Variants in NAV2 observed in about 807,000 individuals in gnomAD.
The protein encoded by NAV2 is helicase, APC down-regulated 1.
Under a neutral mutation model 223.2 loss-of-function variants are expected in NAV2, and 54 were observed. That is an observed-to-expected ratio of 0.24 (90% CI 0.19 to 0.30). NAV2 has a LOEUF of 0.30. NAV2 is among the 10% of genes least tolerant of loss of function. The pLI is 1.00. For missense variants in NAV2, 2,806 were observed against 3,147.5 expected, an observed-to-expected ratio of 0.89 and a Z score of 2.60; for synonymous variants, 1,279 against 1,239.3, an observed-to-expected ratio of 1.03 and a Z score of -0.67.
chr11:19,496,279 A>T (rs2042790994), intron 1 of NAV2, among the ~76,000 whole-genome samples: 1 of 152,216 alleles, frequency 6.6e-6, no homozygotes, highest in Non-Finnish European at 1.5e-5. Context: ...AACAATAAAC[A>T]TTTATTATCT....
intron 1 of NAV2, among the ~76,000 whole-genome samples, chr11:19,548,031 G>T (rs1236269715): frequency 6.6e-6 from 1 of 152,198 alleles, no homozygotes; most frequent in African/African-American, 2.4e-5. Context: ...CCTAGCTGGT[G>T]AGTAACAGGG....
intron 1 of NAV2, among the ~76,000 whole-genome samples, chr11:19,550,756 C>T (rs900425069): frequency 6.6e-6 from 1 of 152,140 alleles, no homozygotes; most frequent in South Asian, 2.1e-4. Flanking sequence ...GGACACTGGA[C>T]CAAATTGAGG....
intron 12 of NAV2, among the ~76,000 whole-genome samples, chr11:20,036,742 A>C (rs936318983): frequency 6.6e-6 from 1 of 152,154 alleles, no homozygotes; most frequent in Non-Finnish European, 1.5e-5. Context: ...TTGAGCCTAC[A>C]TTCTCCATGT....
At chr11:19,856,481 A>G (rs751883532) in intron 3 of NAV2, among the ~76,000 whole-genome samples, 7 of 152,296 alleles carry the variant, frequency 4.6e-5, no homozygotes, top group Admixed American at 1.3e-4. Flanking sequence ...AAATTCCCCA[A>G]GTTATATATT....
At chr11:19,860,173 A>ATCC (rs2061655813) in intron 3 of NAV2, among the ~76,000 whole-genome samples, 1 of 108,426 alleles carries the variant, frequency 9.2e-6, no homozygotes, top group Non-Finnish European at 1.9e-5. Context: ...CGGGGGGCTG[A>ATCC]CCCCCCACCT....
intron 1 of NAV2, among the ~76,000 whole-genome samples, chr11:19,568,006 G>T (rs1368208808): frequency 6.6e-6 from 1 of 152,222 alleles, no homozygotes. Context: ...TGCACTCTCT[G>T]AGGGCAGGTG....
chr11:19,488,151 T>C (rs2042507647), intron 1 of NAV2, among the ~76,000 whole-genome samples: 1 of 152,152 alleles, frequency 6.6e-6, no homozygotes, highest in African/African-American at 2.4e-5. Flanking sequence ...AATTTCTCCA[T>C]GTGTAAAATA....
At chr11:19,600,845 A>T (rs1024728814) in intron 1 of NAV2, among the ~76,000 whole-genome samples, 1 of 152,184 alleles carries the variant, frequency 6.6e-6, no homozygotes, top group Admixed American at 6.5e-5. Context: ...TTCTTAGCTG[A>T]AGGTTTTATA....
upstream of NAV2, among the ~76,000 whole-genome samples, chr11:19,710,074 C>G (rs928833534): frequency 6.6e-6 from 1 of 152,102 alleles, no homozygotes; most frequent in Non-Finnish European, 1.5e-5. Flanking sequence ...CTCAGAACCC[C>G]GAAATGACCT....
rs757183666 is a variant in NAV2 at position 19,787,270 on chromosome 11, C to CTTTTTTTT, written c.268-45193_268-45186dup. ...CATGCCTGGCTAATTTTTATTGGAT[C>CTTTTTTTT]TTTTTTTTTTTTTTTTTTTTTTTTT... On this transcript the variant is annotated intron_variant, in intron 1 of 37. Coordinates refer to ENST00000349880, the MANE Select transcript of NAV2 (RefSeq NM_145117.5). Among the ~76,000 whole-genome samples, 48 of 54,998 alleles carry CTTTTTTTT rather than the reference C, an allele frequency of 8.7e-4. 10 individuals carry two copies. Among genetic ancestry groups the CTTTTTTTT allele is most frequent in the African/African-American group, 2.1e-3 (34 of 16,148 alleles). The allele number at this position is 54,998 out of a possible 152,430, so 36.1% of individuals were successfully genotyped here. A position where few individuals can be genotyped will look rare whatever the true frequency, so the allele number is the denominator to read the frequency against.
At chr11:19,621,164 A>G (rs1273012312) in intron 1 of NAV2, among the ~76,000 whole-genome samples, 1 of 152,208 alleles carries the variant, frequency 6.6e-6, no homozygotes, top group Non-Finnish European at 1.5e-5. Flanking sequence ...TCAGTTTGCC[A>G]GTATTTTACT....
intron 1 of NAV2, among the ~76,000 whole-genome samples, chr11:19,558,929 C>T (rs1006378692): frequency 3.3e-5 from 5 of 152,234 alleles, no homozygotes; most frequent in East Asian, 1.9e-4. Context: ...TACATGGTGG[C>T]GCAGGACTCC....
chr11:19,792,005 C>G (rs866854648), intron 1 of NAV2, among the ~76,000 whole-genome samples: 26 of 152,262 alleles, frequency 1.7e-4, no homozygotes, highest in Admixed American at 1.5e-3. Flanking sequence ...CAATGCTGGG[C>G]CCCCATGAGA....
upstream of NAV2, among the ~76,000 whole-genome samples, chr11:19,709,242 A>C (rs2049778078): frequency 6.6e-6 from 1 of 152,182 alleles, no homozygotes; most frequent in South Asian, 2.1e-4. Context: ...GTTTATAGAA[A>C]ATATCTAAAA....
At chr11:19,815,027 T>C (rs1202858995) in intron 1 of NAV2, among the ~76,000 whole-genome samples, 1 of 152,164 alleles carries the variant, frequency 6.6e-6, no homozygotes, top group East Asian at 1.9e-4. Context: ...TGATCTATTA[T>C]AAAAACGTTT....
At chr11:19,994,552 GAAA>G (rs1166444365) in intron 11 of NAV2, among the ~76,000 whole-genome samples, 2 of 62,976 alleles carry the variant, frequency 3.2e-5, no homozygotes, top group Non-Finnish European at 3.5e-5. Flanking sequence ...CTGTCTCAAA[GAAA>G]AAAAAAAAAA....
chr11:19,963,650 C>T (rs915790392), intron 10 of NAV2, among the ~76,000 whole-genome samples: 2 of 152,200 alleles, frequency 1.3e-5, no homozygotes, highest in African/African-American at 2.4e-5. Context: ...GGGGCAGAGG[C>T]AGATACTTCT....
intron 31 of NAV2, among the ~76,000 whole-genome samples, chr11:20,100,682 C>A (rs2061580019): frequency 6.6e-6 from 1 of 151,790 alleles, no homozygotes; most frequent in African/African-American, 2.4e-5. Flanking sequence ...CCAAAATGTT[C>A]AAGGTGAGTT....
At chr11:19,988,845 G>A (rs57662216) in intron 11 of NAV2, among the ~76,000 whole-genome samples, 8,605 of 152,242 alleles carry the variant, frequency 0.057, 757 homozygotes, top group African/African-American at 0.19. Flanking sequence ...GCTTGGCTTT[G>A]TGATTCATAT....
Sources: allele counts gnomAD v4.1 joint callset (sites outside exome capture counted in the v4.1 genomes callset), GRCh38; gene constraint gnomAD v4.1.1; transcripts MANE v1.5; gene names NCBI Gene and HGNC (gene_info 2026-07-23, HGNC 2026-07-21).